SPAST: variants seen among roughly 807,000 people sequenced by gnomAD.
SPAST encodes the protein spastin, also known as spastic paraplegia 4 (autosomal dominant; spastin).
A neutral mutation model predicts 76.6 loss-of-function variants in SPAST; 30 were observed. That is an observed-to-expected ratio of 0.39 (90% confidence interval 0.29 to 0.53). SPAST has a LOEUF of 0.53. Among genes scored for constraint, SPAST ranks in the 20% least tolerant of loss-of-function variants. SPAST has a pLI of 0.68. For missense variants in SPAST, 717 were observed against 770.5 expected, an observed-to-expected ratio of 0.93 and a Z score of 0.82; for synonymous variants, 305 against 281.0, an observed-to-expected ratio of 1.09 and a Z score of -0.86.
In SPAST at chr2:32,098,839, C is replaced by T. The variant is rs150444792; in HGVS notation, c.630C>T (p.Asp210=). 1.3e-5 allele frequency: 21 copies of T among 1,613,604 alleles called. No individual in the cohort carries two copies. The highest frequency in any genetic ancestry group is 8.9e-5 in the East Asian group (4 of 44,836). Residue 210 remains aspartate (D), a synonymous_variant, in exon 4 of 17, where the codon GAC becomes GAT. Coordinates refer to ENST00000315285, the MANE Select transcript of SPAST (RefSeq NM_014946.4). ...TGCCATTTTCCAAGTCACAAACGGACGTCTATAATGACAGTACTAACTTGG... is the reference window on the plus strand; with the variant it reads ...TGCCATTTTCCAAGTCACAAACGGATGTCTATAATGACAGTACTAACTTGG... ...PVLPFSKSQT[D]VYNDSTNLAC... is the part of the protein sequence containing the mutation.
At position 32,096,200 on chromosome 2, in the gene SPAST, C is replaced by T. The variant is rs542599287; in HGVS notation, c.587-2596C>T. On this transcript the variant is annotated intron_variant, in intron 3 of 16. Transcript: ENST00000315285. ...CTGTAATCCCAGTACTTTGGGAGGC[C>T]GAGGCGGGCAGATCACCTGAGGTCA... Among the ~76,000 whole-genome samples, 629 of 151,772 alleles carry T rather than the reference C, an allele frequency of 4.1e-3. 2 individuals carry two copies. Among genetic ancestry groups the T allele is most frequent in the Non-Finnish European group, 6.0e-3 (404 of 67,754 alleles).
rs762108936 is a variant in SPAST, at chr2:32,115,833, C to G, written c.1002C>G (p.Asp334Glu). 1 of 1,606,692 alleles carries G rather than the reference C, an allele frequency of 6.2e-7. No homozygotes were observed. Among genetic ancestry groups the G allele is most frequent in the South Asian group, 1.1e-5 (1 of 89,414 alleles). Residue 334 changes from aspartate (D) to glutamate (E), a missense_variant and splice_region_variant, in exon 6 of 17, where the codon GAC becomes GAG. Asp to Glu is a conservative substitution (Grantham distance 45). Transcript: ENST00000315285. Reference sequence around the variant, plus strand: ...ACCTTATAATGAATGAAATTGTGGACAAGTAAGTTTTGCCATCTAAATGTT... The same window carrying G: ...ACCTTATAATGAATGAAATTGTGGAGAAGTAAGTTTTGCCATCTAAATGTT... ...LANLIMNEIVDNGTAVKFDDI... is the reference protein window; with the variant it reads ...LANLIMNEIVENGTAVKFDDI...
intron 9 of SPAST, chr2:32,128,817 T>A (rs374320979): frequency 1.2e-4 from 39 of 327,352 alleles, no homozygotes; most frequent in South Asian, 1.1e-3. Context: ...TGAGGGAAAA[T>A]GTATGTTGTG....
chr2:32,127,192 A>T, intron 8 of SPAST, 170 bp downstream of exon 8: 1 of 624,410 alleles, frequency 1.6e-6, no homozygotes. Flanking sequence ...ATCTGGGCTC[A>T]CCGCAACCTC....
rs186569747 is a variant in SPAST at position 32,089,612 on chromosome 2, A to G, written c.586+7A>G. On this transcript the variant is annotated splice_region_variant and intron_variant, in intron 3 of 16. Coordinates refer to ENST00000315285, the MANE Select transcript of SPAST (RefSeq NM_014946.4). ...GACCGCTTACAACTTCTAGGTATCA[A>G]TTAATGTATAATTTGATGTGGGATG... is the stretch of plus-strand genomic sequence containing the variant. The G allele has an allele frequency of 2.5e-5, 36 of 1,439,472 alleles. No individual in the cohort carries two copies. The highest frequency in any genetic ancestry group is 2.3e-4 in the South Asian group (20 of 87,452). The allele number at this position is 1,439,472 out of a possible 1,614,324, so 89.2% of individuals were successfully genotyped here. A position where few individuals can be genotyped will look rare whatever the true frequency, so the allele number is the denominator to read the frequency against.
intron 4 of SPAST, among the ~76,000 whole-genome samples, chr2:32,102,645 T>A (rs1335583035): frequency 1.3e-5 from 2 of 152,214 alleles, no homozygotes; most frequent in Non-Finnish European, 2.9e-5. Context: ...ATACATCCCA[T>A]CAATACCTAG....
In SPAST at chr2:32,155,698, ATGTCAT is replaced by A. The variant is rs1444848225; in HGVS notation, c.*1206_*1211del. 1 of 152,488 alleles carries A rather than the reference ATGTCAT, an allele frequency of 6.6e-6. No homozygotes were observed. Among genetic ancestry groups the A allele is most frequent in the Non-Finnish European group, 1.5e-5 (1 of 68,012 alleles). The allele number at this position is 152,488 out of a possible 1,614,324, so 9.4% of individuals were successfully genotyped here. A position where few individuals can be genotyped will look rare whatever the true frequency, so the allele number is the denominator to read the frequency against. On this transcript the variant is annotated 3_prime_UTR_variant, in exon 17 of 17. Transcript: ENST00000315285. ...ATATGCCTGGATTTTCATTATAAAA[ATGTCAT>A]TGTAGGGAGTAGAGACTCATATCAT...
intron 4 of SPAST, among the ~76,000 whole-genome samples, chr2:32,100,704 T>TA (rs1678088031): frequency 6.6e-6 from 1 of 152,118 alleles, no homozygotes; most frequent in Non-Finnish European, 1.5e-5. Context: ...AGTGAGAACA[T>TA]ACGGTGTTTG....
At chr2:32,067,425 T>A (rs548475375) in intron 1 of SPAST, among the ~76,000 whole-genome samples, 1 of 152,010 alleles carries the variant, frequency 6.6e-6, no homozygotes, top group African/African-American at 2.4e-5. Context: ...AAAGGAGAAA[T>A]TAAGGAAAAC....
intron 16 of SPAST, 39 bp downstream of exon 16, chr2:32,147,297 ATTGT>A: frequency 8.7e-7 from 1 of 1,154,114 alleles, no homozygotes; most frequent in East Asian, 2.9e-5. Flanking sequence ...TGTCTTCTAT[ATTGT>A]AAGACATATA....
rs1246200192 is a variant in SPAST at position 32,143,229 on chromosome 2, T to C, written c.1537-107T>C. ...GCTATAGTGAGCTATGATTGTGCCC[T>C]GCACTCCAGCCTGGGTAACAGCACA... On this transcript the variant is annotated intron_variant, in intron 13 of 16. Transcript: ENST00000315285. 10 of 696,928 alleles carry C rather than the reference T, an allele frequency of 1.4e-5. No homozygotes were observed. In the Admixed American group the frequency reaches 1.8e-4, roughly 12 times the overall value. 43.2% of individuals were successfully genotyped at this position (696,928 alleles called of 1,614,324 possible).
rs1374843582 is a variant in SPAST, at chr2:32,104,091, C to G, written c.682+5200C>G. ...AGTATTATTGTGTGGGAGTCTAAGTCTCTTTGTAGGTCTCTAGGGACTTGC... is the reference window on the plus strand; with the variant it reads ...AGTATTATTGTGTGGGAGTCTAAGTGTCTTTGTAGGTCTCTAGGGACTTGC... On this transcript the variant is annotated intron_variant, in intron 4 of 16. Transcript: ENST00000315285. Among the ~76,000 whole-genome samples, 3 of 152,228 alleles carry G rather than the reference C, an allele frequency of 2.0e-5. No individual in the cohort carries two copies. The East Asian group carries it at 5.8e-4, about 29-fold the overall frequency.
At chr2:32,071,399 T>G (rs1676745273) in intron 1 of SPAST, among the ~76,000 whole-genome samples, 1 of 152,228 alleles carries the variant, frequency 6.6e-6, no homozygotes, top group Non-Finnish European at 1.5e-5. Context: ...TTCATAGTTT[T>G]AAGCTGTGTA....
chr2:32,102,277 G>C (rs912416343), intron 4 of SPAST, among the ~76,000 whole-genome samples: 1 of 152,142 alleles, frequency 6.6e-6, no homozygotes, highest in African/African-American at 2.4e-5. Flanking sequence ...CTGTTTGTCT[G>C]TTATTGGTGT....
At chr2:32,109,811 C>CAT (rs1389375803) in intron 4 of SPAST, among the ~76,000 whole-genome samples, 1 of 148,572 alleles carries the variant, frequency 6.7e-6, no homozygotes, top group Admixed American at 6.8e-5. Flanking sequence ...TATGTATACA[C>CAT]ACATACATAT....
chr2:32,083,940 G>A (rs1278592186), intron 1 of SPAST, among the ~76,000 whole-genome samples: 3 of 149,410 alleles, frequency 2.0e-5, no homozygotes, highest in South Asian at 4.3e-4. Context: ...CACCATGCCC[G>A]GCTAATTTTT....
At chr2:32,089,395 C>G in intron 2 of SPAST, 127 bp from the exon 3 acceptor site, 1 of 596,746 alleles carries the variant, frequency 1.7e-6, no homozygotes, top group East Asian at 3.1e-5. Context: ...ACATTTTCTT[C>G]TTTTTTTTAA....
At chr2:32,102,627 A>G (rs1209975003) in intron 4 of SPAST, among the ~76,000 whole-genome samples, 1 of 152,184 alleles carries the variant, frequency 6.6e-6, no homozygotes, top group East Asian at 1.9e-4. Context: ...AGCTCTTATT[A>G]TTTTGAGATA....
At chr2:32,095,561 A>C (rs1401198516) in intron 3 of SPAST, among the ~76,000 whole-genome samples, 1 of 149,592 alleles carries the variant, frequency 6.7e-6, no homozygotes, top group Admixed American at 6.7e-5. Flanking sequence ...CTGAGACCCC[A>C]TGTCTAAATT....
Sources: gnomAD v4.1 joint callset for allele counts (sites outside exome capture counted in the v4.1 genomes callset) on GRCh38, gnomAD v4.1.1 for gene constraint, MANE v1.5 for transcripts, NCBI Gene and HGNC (gene_info 2026-07-23, HGNC 2026-07-21) for gene names.